SLC35D1: variants seen among roughly 807,000 people sequenced by gnomAD.
SLC35D1 encodes the protein nucleotide sugar transporter SLC35D1.
Under a neutral mutation model 46.7 loss-of-function variants are expected in SLC35D1, and 31 were observed. The observed-to-expected ratio is 0.66, with a 90% CI of 0.50 to 0.90. The LOEUF is 0.90. Ranked by LOEUF, SLC35D1 falls within the 40% of genes least tolerant of loss-of-function variation. SLC35D1 has a pLI of 0.00. For synonymous variants in SLC35D1, 195 were observed against 164.6 expected (o/e 1.18, Z -1.41); for missense variants, 397 against 426.2 (o/e 0.93, Z 0.60).
chr1:67,032,372 C>T (rs759341747), intron 8 of SLC35D1, among the ~76,000 whole-genome samples: 1 of 151,786 alleles, frequency 6.6e-6, no homozygotes, highest in Non-Finnish European at 1.5e-5. Context: ...TTGATACAGG[C>T]ATGCAATGTG....
intron 8 of SLC35D1, among the ~76,000 whole-genome samples, chr1:67,027,593 C>T (rs146188416): frequency 3.9e-5 from 6 of 152,074 alleles, no homozygotes; most frequent in African/African-American, 1.2e-4. Flanking sequence ...AAGACAGAGG[C>T]TTAGATCACT....
At chr1:67,049,912 G>T in intron 5 of SLC35D1, 62 bp from the exon 6 acceptor site, 2 of 1,195,976 alleles carry the variant, frequency 1.7e-6, no homozygotes, top group Non-Finnish European at 2.5e-6. Context: ...TTTTACAACA[G>T]AAGCAAAAAA....
At chr1:67,015,456 C>T (rs1396083620) in intron 10 of SLC35D1, among the ~76,000 whole-genome samples, 1 of 152,026 alleles carries the variant, frequency 6.6e-6, no homozygotes, top group Non-Finnish European at 1.5e-5. Flanking sequence ...GTGGCGTGAT[C>T]TCAGCTCACT....
chr1:67,038,610 T>C (rs550110963), intron 8 of SLC35D1, among the ~76,000 whole-genome samples: 70 of 152,324 alleles, frequency 4.6e-4, no homozygotes, highest in African/African-American at 1.7e-3. Context: ...GTACTGATGC[T>C]TTGGAAAGTC....
intron 8 of SLC35D1, among the ~76,000 whole-genome samples, chr1:67,032,526 C>T (rs576809964): frequency 2.0e-5 from 3 of 151,892 alleles, no homozygotes; most frequent in Non-Finnish European, 4.4e-5. Flanking sequence ...ACGAAAAATA[C>T]AAAAATTAGC....
At chr1:66,986,275 C>T in the SLC35D1 span, 1 of 1,445,356 alleles carries the variant, frequency 6.9e-7, no homozygotes, top group South Asian at 1.5e-5. Flanking sequence ...ATCTGCATAG[C>T]CTTGTAAAAG....
At chr1:66,985,348 T>C in the SLC35D1 span, 1 of 985,364 alleles carries the variant, frequency 1.0e-6, no homozygotes, top group Non-Finnish European at 1.2e-6. Flanking sequence ...TTTCTTGAAA[T>C]GTCTTTAAAA....
the SLC35D1 span, among the ~76,000 whole-genome samples, chr1:66,992,696 T>C: frequency 2.0e-5 from 3 of 152,246 alleles, no homozygotes; most frequent in African/African-American, 7.2e-5. Flanking sequence ...TAGGATACTA[T>C]TAGCTACGCT....
chr1:66,991,100 T>C, the SLC35D1 span, among the ~76,000 whole-genome samples: 1 of 152,196 alleles, frequency 6.6e-6, no homozygotes, highest in African/African-American at 2.4e-5. Context: ...TTCACTTCCA[T>C]CTGAGTAGTA....
chr1:66,984,630 G>A, the SLC35D1 span: 1 of 1,613,428 alleles, frequency 6.2e-7, no homozygotes, highest in Non-Finnish European at 8.5e-7. Flanking sequence ...AAGTTGAAGG[G>A]TTACACATTA....
At chr1:67,018,071 T>C (rs1013435622) in intron 10 of SLC35D1, among the ~76,000 whole-genome samples, 9 of 152,248 alleles carry the variant, frequency 5.9e-5, no homozygotes, top group South Asian at 2.1e-4. Flanking sequence ...ACAAAGTAAA[T>C]TGATACATTG....
the SLC35D1 span, among the ~76,000 whole-genome samples, chr1:66,981,293 C>T: frequency 1.3e-5 from 2 of 152,144 alleles, no homozygotes; most frequent in Non-Finnish European, 2.9e-5. Context: ...CATCTTATAG[C>T]TCAGATCTGG....
chr1:67,038,630 A>G (rs2815371), intron 8 of SLC35D1, among the ~76,000 whole-genome samples: 118,641 of 152,128 alleles, frequency 0.78, 46,583 homozygotes, highest in South Asian at 0.88. Context: ...CATTGGTCAA[A>G]TGATGTCCAC....
Position 67,001,205 on chromosome 1 carries a change from A to C in SLC35D1, c.*3135T>G, listed in dbSNP as rs1471617126. The C allele has an allele frequency of 6.6e-6, 1 of 152,296 alleles. No individual in the cohort carries two copies. Among genetic ancestry groups the C allele is most frequent in the African/African-American group, 2.4e-5 (1 of 41,426 alleles). The allele number at this position is 152,296 out of a possible 1,614,324, so 9.4% of individuals were successfully genotyped here. ...TGGGGTGCCATTTCAAACCAACTCA[A>C]TGTGAAACTCCACTGTTTCTCCGTG... is the stretch of plus-strand genomic sequence containing the variant. On this transcript the variant is annotated 3_prime_UTR_variant, in exon 12 of 12. Transcript: ENST00000235345.
At chr1:66,982,602 A>C in the SLC35D1 span, among the ~76,000 whole-genome samples, 1 of 152,204 alleles carries the variant, frequency 6.6e-6, no homozygotes, top group Non-Finnish European at 1.5e-5. Context: ...TTCCAAGAAG[A>C]AAGTAATAAG....
the SLC35D1 span, among the ~76,000 whole-genome samples, chr1:66,990,270 A>T: frequency 6.6e-6 from 1 of 152,034 alleles, no homozygotes; most frequent in African/African-American, 2.4e-5. Context: ...CGTGGACTAC[A>T]TCTGCAATTT....
chr1:66,986,356 A>C, the SLC35D1 span: 2 of 1,592,074 alleles, frequency 1.3e-6, no homozygotes, highest in Non-Finnish European at 1.7e-6. Flanking sequence ...ACCAACCTAT[A>C]TCCAAACTTT....
chr1:66,977,284 A>G, the SLC35D1 span, among the ~76,000 whole-genome samples: 2 of 151,752 alleles, frequency 1.3e-5, no homozygotes, highest in Admixed American at 1.3e-4. Context: ...TAATTTTTGA[A>G]TTTTTATTAG....
In SLC35D1 at chr1:67,053,742, G is replaced by A. The variant is rs561670386; in HGVS notation, c.203+69C>T. 89 of 1,354,102 alleles carry A rather than the reference G, an allele frequency of 6.6e-5. 2 individuals carry two copies. In the African/African-American group the frequency reaches 1.2e-3, roughly 19 times the overall value. The allele number at this position is 1,354,102 out of a possible 1,614,324, so 83.9% of individuals were successfully genotyped here. A position where few individuals can be genotyped will look rare whatever the true frequency, so the allele number is the denominator to read the frequency against. On this transcript the variant is annotated intron_variant, in intron 1 of 11. Coordinates refer to ENST00000235345, the MANE Select transcript of SLC35D1 (RefSeq NM_015139.3). The stretch of plus-strand genomic sequence containing the variant: ...AACTTTGGCAGTCAAAGTCCAGGGA[G>A]CCGGCGCCGCGCCGCCGCCGCCGCC...
Sources: allele counts gnomAD v4.1 joint callset (sites outside exome capture counted in the v4.1 genomes callset), GRCh38; gene constraint gnomAD v4.1.1; transcripts MANE v1.5; gene names NCBI Gene and HGNC (gene_info 2026-07-23, HGNC 2026-07-21).